The following MIR2052HG variants were observed in gnomAD, a reference collection of about 807,000 sequenced individuals.
MIR2052HG encodes the protein MIR2052 host gene.
Position 74,702,038 on chromosome 8 carries a change from C to T in MIR2052HG, n.217-341C>T, listed in dbSNP as rs541542744. Among the ~76,000 whole-genome samples, 432 of 152,106 alleles carry T rather than the reference C, an allele frequency of 2.8e-3. 1 individual carries two copies. Among genetic ancestry groups the T allele is most frequent in the Middle Eastern group, 3.4e-3 (1 of 294 alleles). On this transcript the variant is annotated intron_variant and non_coding_transcript_variant, in intron 2 of 6. Coordinates refer to ENST00000523442, the Ensembl canonical transcript of MIR2052HG. The stretch of plus-strand genomic sequence containing the variant: ...TCATACAATTTCCAGGATGCCAGAA[C>T]GGGTGTTTGCTTCTAATGGAAATAA...
intron 4 of MIR2052HG, among the ~76,000 whole-genome samples, chr8:74,726,093 T>G (rs957504778): frequency 6.6e-6 from 1 of 152,086 alleles, no homozygotes; most frequent in African/African-American, 2.4e-5. Flanking sequence ...CTCGGGAGGC[T>G]GAGGCAGGAG....
chr8:74,705,864 A>G (rs866255258), intron 4 of MIR2052HG: 2 of 158,334 alleles, frequency 1.3e-5, no homozygotes, highest in Non-Finnish European at 1.5e-5. Flanking sequence ...GCAAGCAGAA[A>G]TCAGAAAAAA....
intron 2 of MIR2052HG, among the ~76,000 whole-genome samples, chr8:74,678,893 C>T (rs980834394): frequency 1.3e-5 from 2 of 151,958 alleles, no homozygotes; most frequent in Admixed American, 6.6e-5. Flanking sequence ...CCAGGAAAAA[C>T]ATGTGCTTTA....
At chr8:74,683,660 C>A (rs573390687) in intron 2 of MIR2052HG, among the ~76,000 whole-genome samples, 1 of 151,930 alleles carries the variant, frequency 6.6e-6, no homozygotes, top group Admixed American at 6.6e-5. Flanking sequence ...TGTATCTTAA[C>A]GTTTATTTTT....
In MIR2052HG at chr8:74,716,209, CCA is replaced by C. The variant is rs1171360481; in HGVS notation, n.371+12528_371+12529del. Among the ~76,000 whole-genome samples, 19 of 152,050 alleles carry C rather than the reference CCA, an allele frequency of 1.2e-4. No individual in the cohort carries two copies. The East Asian group carries it at 3.1e-3, about 25-fold the overall frequency. Reference sequence around the variant, plus strand: ...GTCTCCTCTCGCACTTATCTCTGGGCCATGCAGCCCAGAGAAATCTCTAACGT... The same window carrying C: ...GTCTCCTCTCGCACTTATCTCTGGGCTGCAGCCCAGAGAAATCTCTAACGT... On this transcript the variant is annotated intron_variant and non_coding_transcript_variant, in intron 4 of 6. Coordinates refer to ENST00000523442, the Ensembl canonical transcript of MIR2052HG.
intron 2 of MIR2052HG, among the ~76,000 whole-genome samples, chr8:74,687,270 A>G (rs779044837): frequency 3.5e-4 from 54 of 152,270 alleles, no homozygotes; most frequent in Non-Finnish European, 6.0e-4. Flanking sequence ...TCTAGCAGTT[A>G]TGGAAAACAG....
In MIR2052HG at chr8:74,695,235, C is replaced by T. The variant is rs567123441; in HGVS notation, n.217-7144C>T. Among the ~76,000 whole-genome samples, 4 of 152,178 alleles carry T rather than the reference C, an allele frequency of 2.6e-5. No homozygotes were observed. The Middle Eastern group carries it at 0.014, about 518-fold the overall frequency. ...AAGCTTCATAAATGAAGGAAAGATA[C>T]AATGTTTTTCAGACAAGCAAATGCT... On this transcript the variant is annotated intron_variant and non_coding_transcript_variant, in intron 2 of 6. Transcript: ENST00000523442.
chr8:74,609,404 C>T lies in MIR2052HG; in HGVS notation n.129-3449C>T, dbSNP rs1464152028. Among the ~76,000 whole-genome samples the T allele has an allele frequency of 4.6e-5, 7 of 151,916 alleles. No individual in the cohort carries two copies. The East Asian group carries it at 1.3e-3, about 29-fold the overall frequency. On this transcript the variant is annotated intron_variant and non_coding_transcript_variant, in intron 1 of 6. Transcript: ENST00000523442. ...AAAGCCAATGCTATACAAGTTCTTC[C>T]AGAAAATTATAAAAGAGAAAATATT...
rs999759170 is a variant in MIR2052HG, at chr8:74,653,146, CA to C, written n.216+40207del. ...AATTAGCAAGACATTTGTCCAAAGA[CA>C]GAAAGTTTCACCAATATTTTATAAG... On this transcript the variant is annotated intron_variant and non_coding_transcript_variant, in intron 2 of 6. Coordinates refer to ENST00000523442, the Ensembl canonical transcript of MIR2052HG. 3.0e-4 allele frequency among the ~76,000 whole-genome samples: 46 copies of C among 152,120 alleles called. 2 individuals are homozygous for C. The highest frequency in any genetic ancestry group is 5.9e-5 in the Non-Finnish European group (4 of 68,022).
At chr8:74,645,124 T>G (rs902889663) in intron 2 of MIR2052HG, among the ~76,000 whole-genome samples, 3 of 152,050 alleles carry the variant, frequency 2.0e-5, no homozygotes, top group African/African-American at 2.4e-5. Flanking sequence ...TAAGAAGAAA[T>G]GTACTATGGG....
chr8:74,664,565 T>C (rs1471974037), intron 2 of MIR2052HG, among the ~76,000 whole-genome samples: 3 of 152,194 alleles, frequency 2.0e-5, no homozygotes, highest in Non-Finnish European at 4.4e-5. Flanking sequence ...TTGCCCAGGC[T>C]GGAGTGCAAC....
intron 2 of MIR2052HG, among the ~76,000 whole-genome samples, chr8:74,691,116 A>G (rs1480351917): frequency 1.3e-5 from 2 of 152,228 alleles, no homozygotes; most frequent in East Asian, 3.8e-4. Flanking sequence ...ACATGCTAAA[A>G]CAAAAGGAGC....
At chr8:74,677,487 A>G (rs1466299382) in intron 2 of MIR2052HG, among the ~76,000 whole-genome samples, 1 of 152,116 alleles carries the variant, frequency 6.6e-6, no homozygotes, top group African/African-American at 2.4e-5. Context: ...ACAACATCAC[A>G]CTGGTATCAC....
At chr8:74,717,746 G>A (rs1296645751) in intron 4 of MIR2052HG, among the ~76,000 whole-genome samples, 1 of 151,664 alleles carries the variant, frequency 6.6e-6, no homozygotes, top group Non-Finnish European at 1.5e-5. Context: ...AGTTCAAGGT[G>A]GGAATGAGCT....
chr8:74,600,260 T>A (rs1473122364), intron 1 of MIR2052HG, among the ~76,000 whole-genome samples: 1 of 151,462 alleles, frequency 6.6e-6, no homozygotes, highest in Non-Finnish European at 1.5e-5. Context: ...CCCTGAAAGC[T>A]CTGTTTTATT....
intron 2 of MIR2052HG, among the ~76,000 whole-genome samples, chr8:74,687,539 G>A (rs79038457): frequency 1.6e-3 from 241 of 152,172 alleles, no homozygotes; most frequent in East Asian, 3.9e-3. Flanking sequence ...TGCCATCTGT[G>A]ACAACTGGAG....
At chr8:74,710,541 A>C (rs1418851381) in intron 4 of MIR2052HG, among the ~76,000 whole-genome samples, 1 of 152,158 alleles carries the variant, frequency 6.6e-6, no homozygotes, top group Non-Finnish European at 1.5e-5. Flanking sequence ...GTACTTAAAA[A>C]CCATTATAAA....
At chr8:74,680,205 T>C (rs7837436) in intron 2 of MIR2052HG, among the ~76,000 whole-genome samples, 16,476 of 152,142 alleles carry the variant, frequency 0.11, 2,066 homozygotes, top group African/African-American at 0.31. Context: ...AACTAACAAA[T>C]GCATCTAGGA....
chr8:74,729,658 T>G (rs968715260), intron 4 of MIR2052HG, among the ~76,000 whole-genome samples: 1 of 152,134 alleles, frequency 6.6e-6, no homozygotes, highest in African/African-American at 2.4e-5. Context: ...AGGAACATGA[T>G]AGAAAATAGA....
Sources: gnomAD v4.1 joint callset for allele counts (sites outside exome capture counted in the v4.1 genomes callset) on GRCh38, gnomAD v4.1.1 for gene constraint, MANE v1.5 for transcripts, NCBI Gene and HGNC (gene_info 2026-07-23, HGNC 2026-07-21) for gene names.